The following ABCB4 variants were observed in gnomAD, a reference collection of about 807,000 sequenced individuals.
ABCB4 encodes the protein phosphatidylcholine translocator ABCB4.
A neutral mutation model predicts 145.7 loss-of-function variants in ABCB4; 76 were observed. The observed-to-expected ratio is 0.52, with a 90% CI of 0.43 to 0.63. ABCB4 has a LOEUF of 0.63. Among genes scored for constraint, ABCB4 ranks in the 30% least tolerant of loss-of-function variants. The probability of loss-of-function intolerance (pLI) is 0.00; values close to 1 mark genes in which losing one functional copy is unlikely to be tolerated. For missense variants in ABCB4, 1,234 were observed against 1,553.1 expected (o/e 0.79, Z 3.45); for synonymous variants, 517 against 566.8 (o/e 0.91, Z 1.25).
At chr7:87,439,870 T>G in intron 13 of ABCB4, 33 bp from the exon 14 acceptor site, 2 of 1,613,950 alleles carry the variant, frequency 1.2e-6, no homozygotes, top group Non-Finnish European at 8.5e-7. Context: ...GCTCTTGAAG[T>G]AACTTAAATT....
At position 87,423,905 on chromosome 7, in the gene ABCB4, C is replaced by T. The variant is rs794727183; in HGVS notation, c.2211+1G>A. 6 of 1,613,890 alleles carry T rather than the reference C, an allele frequency of 3.7e-6. No homozygotes were observed. The African/African-American group carries it at 4.0e-5, about 11-fold the overall frequency. On this transcript the variant is annotated splice_donor_variant, in intron 17 of 27. Coordinates refer to ENST00000649586, the MANE Select transcript of ABCB4 (RefSeq NM_000443.4). LOFTEE classifies it high-confidence loss of function. Reference sequence around the variant, plus strand: ...CTGTTATGTGGTGTTTGCAAACTTACCGCTATGATCTCTGAGAATATGACT... The same window carrying T: ...CTGTTATGTGGTGTTTGCAAACTTATCGCTATGATCTCTGAGAATATGACT...
intron 6 of ABCB4, 150 bp downstream of exon 6, chr7:87,452,794 A>G (rs2116814405): frequency 2.2e-6 from 2 of 901,584 alleles, no homozygotes. Flanking sequence ...TAGGCTATAG[A>G]TGCTGCTAGA....
At chr7:87,445,631 G>C (rs1254794094) in intron 9 of ABCB4, among the ~76,000 whole-genome samples, 1 of 152,152 alleles carries the variant, frequency 6.6e-6, no homozygotes, top group Non-Finnish European at 1.5e-5. Flanking sequence ...AAAAACATAA[G>C]TGAAGATAAA....
chr7:87,418,750 C>T (rs1193466711), intron 19 of ABCB4, 130 bp from the exon 20 acceptor site: 1 of 827,346 alleles, frequency 1.2e-6, no homozygotes, highest in Non-Finnish European at 2.0e-6. Context: ...GAGTCCCTGG[C>T]CTTGCTCTGA....
intron 17 of ABCB4, 182 bp downstream of exon 17, chr7:87,423,724 G>T (rs1562962635): frequency 1.5e-6 from 1 of 672,734 alleles, no homozygotes; most frequent in East Asian, 2.7e-5. Context: ...TCATAACTTA[G>T]AGTGATTCAA....
chr7:87,399,518 C>T (rs1393276681), downstream of ABCB4: 1 of 152,118 alleles, frequency 6.6e-6, no homozygotes, highest in Non-Finnish European at 1.5e-5. Context: ...AACAAACAGA[C>T]AAATTAGCTA....
At chr7:87,390,357 T>C in the ABCB4 span, among the ~76,000 whole-genome samples, 1 of 152,218 alleles carries the variant, frequency 6.6e-6, no homozygotes. Context: ...TTGCTAAGGT[T>C]CATTATTTCA....
At chr7:87,389,332 A>G in the ABCB4 span, among the ~76,000 whole-genome samples, 2 of 152,220 alleles carry the variant, frequency 1.3e-5, no homozygotes, top group Admixed American at 1.3e-4. Flanking sequence ...ACATATGTAT[A>G]TTGCAGCCCT....
At chr7:87,372,231 C>A in the ABCB4 span, among the ~76,000 whole-genome samples, 1 of 152,100 alleles carries the variant, frequency 6.6e-6, no homozygotes, top group Admixed American at 6.5e-5. Context: ...TATATAGTCT[C>A]TACATTAATC....
intron 3 of ABCB4, among the ~76,000 whole-genome samples, chr7:87,468,848 G>A (rs1042370441): frequency 1.1e-4 from 16 of 151,926 alleles, no homozygotes; most frequent in African/African-American, 1.4e-4. Context: ...GGAGAATGGC[G>A]TGAACCCGGG....
intron 4 of ABCB4, among the ~76,000 whole-genome samples, chr7:87,456,123 G>A (rs45596031): frequency 0.013 from 1,920 of 152,216 alleles, 44 homozygotes; most frequent in African/African-American, 0.041. Flanking sequence ...AGAGTATTTG[G>A]AACTAGAGGC....
At chr7:87,461,370 G>A (rs188140962) in intron 4 of ABCB4, among the ~76,000 whole-genome samples, 26 of 152,008 alleles carry the variant, frequency 1.7e-4, no homozygotes, top group African/African-American at 2.9e-4. Context: ...TTTTTTTTCC[G>A]AATCATCTAT....
intron 21 of ABCB4, among the ~76,000 whole-genome samples, chr7:87,414,380 C>T (rs762710820): frequency 2.0e-5 from 3 of 152,108 alleles, no homozygotes; most frequent in Admixed American, 1.3e-4. Context: ...ATACAGCATC[C>T]GAGGAATGGA....
At chr7:87,425,322 C>A (rs751881078) in intron 16 of ABCB4, among the ~76,000 whole-genome samples, 60 of 152,184 alleles carry the variant, frequency 3.9e-4, no homozygotes, top group Non-Finnish European at 5.7e-4. Context: ...AAATAACTCT[C>A]AAAATAAATG....
chr7:87,382,032 A>G, the ABCB4 span: 91 of 1,578,060 alleles, frequency 5.8e-5, 1 homozygote, highest in South Asian at 4.5e-5. Flanking sequence ...TTCTCCTAAT[A>G]GTTCTATAGA....
At chr7:87,419,896 G>A in intron 19 of ABCB4, 102 bp downstream of exon 19, 4 of 1,256,876 alleles carry the variant, frequency 3.2e-6, no homozygotes, top group Non-Finnish European at 4.7e-6. Flanking sequence ...TGAATACCCT[G>A]GGGGGAAAAC....
intron 3 of ABCB4, among the ~76,000 whole-genome samples, chr7:87,463,443 C>T (rs1053219260): frequency 1.3e-5 from 2 of 152,188 alleles, no homozygotes; most frequent in Non-Finnish European, 2.9e-5. Flanking sequence ...TCTATATATG[C>T]ACCTTAGGGA....
chr7:87,457,824 T>A (rs1812198506), intron 4 of ABCB4, among the ~76,000 whole-genome samples: 1 of 152,208 alleles, frequency 6.6e-6, no homozygotes, highest in Non-Finnish European at 1.5e-5. Context: ...AAACATAGTC[T>A]TCATTTTCAC....
At chr7:87,395,687 A>G in the ABCB4 span, among the ~76,000 whole-genome samples, 1 of 152,198 alleles carries the variant, frequency 6.6e-6, no homozygotes, top group African/African-American at 2.4e-5. Context: ...TTGTCACTGA[A>G]GTCAGGAAGT....
Sources: gnomAD v4.1 joint callset for allele counts (sites outside exome capture counted in the v4.1 genomes callset) on GRCh38, gnomAD v4.1.1 for gene constraint, MANE v1.5 for transcripts, NCBI Gene and HGNC (gene_info 2026-07-23, HGNC 2026-07-21) for gene names.